HPR: variants seen among roughly 807,000 people sequenced by gnomAD.
The protein encoded by HPR is haptoglobin-related protein.
A neutral mutation model predicts 18.5 loss-of-function variants in HPR; 17 were observed. That is an observed-to-expected ratio of 0.92 (90% confidence interval 0.63 to 1.38). The LOEUF (loss-of-function observed/expected upper bound fraction) is 1.38. Among genes scored for constraint, HPR ranks in the 40% most tolerant of loss-of-function variants. The pLI is 0.00. For synonymous variants in HPR, 176 were observed against 165.0 expected (o/e 1.07, Z -0.51); for missense variants, 457 against 432.4 (o/e 1.06, Z -0.51).
chr16:72,072,859 G>C (rs564414916), intron 1 of HPR, among the ~76,000 whole-genome samples: 2 of 152,284 alleles, frequency 1.3e-5, no homozygotes, highest in Admixed American at 1.3e-4. Flanking sequence ...TTAACAGGGG[G>C]ATTGTTAAAT....
At chr16:72,075,002 T>C (rs554462205) in intron 3 of HPR, 143 bp from the exon 4 acceptor site, 17 of 1,321,760 alleles carry the variant, frequency 1.3e-5, no homozygotes, top group Non-Finnish European at 1.7e-5. Context: ...CCTTCCTCCT[T>C]CTCGTATTCT....
rs534637667 is a variant in HPR at position 72,073,697 on chromosome 16, G to C, written c.6-195G>C. 79 of 1,486,996 alleles carry C rather than the reference G, an allele frequency of 5.3e-5. No individual in the cohort carries two copies. In the African/African-American group the frequency reaches 1.0e-3, roughly 19 times the overall value. The allele number at this position is 1,486,996 out of a possible 1,614,324, so 92.1% of individuals were successfully genotyped here. ...CTAAAGCGTGTATGTGGGGCGGAGGGTGGGGGCAACTTCTTGGTCCTAGCA... is the reference window on the plus strand; with the variant it reads ...CTAAAGCGTGTATGTGGGGCGGAGGCTGGGGGCAACTTCTTGGTCCTAGCA... On this transcript the variant is annotated intron_variant, in intron 1 of 4. Coordinates refer to ENST00000540303, the MANE Select transcript of HPR (RefSeq NM_020995.4).
intron 1 of HPR, among the ~76,000 whole-genome samples, chr16:72,068,674 T>C (rs1206333992): frequency 6.6e-6 from 1 of 152,132 alleles, no homozygotes; most frequent in African/African-American, 2.4e-5. Context: ...GTCAAAAATT[T>C]TGGACCTGGT....
chr16:72,075,297 T>C (rs928912062), intron 4 of HPR, 78 bp downstream of exon 4: 1 of 722,492 alleles, frequency 1.4e-6, no homozygotes, highest in Non-Finnish European at 2.3e-6. Flanking sequence ...AGCCTTCCAG[T>C]GCGGCTTCCT....
At chr16:72,063,884 A>C (rs1270069988) in intron 1 of HPR, among the ~76,000 whole-genome samples, 2 of 152,222 alleles carry the variant, frequency 1.3e-5, no homozygotes, top group Admixed American at 1.3e-4. Context: ...CTAGGACTAC[A>C]GGCGTGTGCC....
Position 72,074,304 on chromosome 16 carries a change from C to A in HPR, c.112C>A (p.Pro38Thr). 1 of 1,614,004 alleles carries A rather than the reference C, an allele frequency of 6.2e-7. No individual in the cohort carries two copies. Among genetic ancestry groups the A allele is most frequent in the Non-Finnish European group, 8.5e-7 (1 of 1,179,968 alleles). The change falls in exon 3 of 5, where the codon CCT (proline) becomes ACT (threonine). Residue 38 changes from proline to threonine, a missense_variant. Pro to Thr is a conservative substitution (Grantham distance 38). Transcript: ENST00000540303. ...TGCAGATGACCGCTTCCCGAAGCCC[C>A]CTGAGATTGCAAATGGCTATGTGGA... Reference protein sequence around the residue: ...DISDDRFPKPPEIANGYVEHL... With the variant: ...DISDDRFPKPTEIANGYVEHL...
intron 2 of HPR, 79 bp from the exon 3 acceptor site, chr16:72,074,205 C>G (rs2041691137): frequency 1.5e-6 from 2 of 1,343,924 alleles, no homozygotes; most frequent in Non-Finnish European, 2.1e-6. Flanking sequence ...TGCAGAGCAG[C>G]TTCCACTCAT....
chr16:72,075,830 TTTC>T (rs1200134268), intron 4 of HPR, among the ~76,000 whole-genome samples: 5 of 150,166 alleles, frequency 3.3e-5, no homozygotes, highest in Admixed American at 2.0e-4. Flanking sequence ...TTTTTCTTTC[TTTC>T]TTTTTTTTTT....
At chr16:72,070,235 C>T (rs1229616199) in intron 1 of HPR, among the ~76,000 whole-genome samples, 2 of 152,190 alleles carry the variant, frequency 1.3e-5, no homozygotes, top group South Asian at 4.1e-4. Context: ...ATGGATTGCC[C>T]TATTTATACT....
chr16:72,074,628 T>A, intron 3 of HPR: 1 of 714,600 alleles, frequency 1.4e-6, no homozygotes, highest in South Asian at 1.5e-5. Context: ...CTCATGTAAA[T>A]CTCAGAGTCA....
intron 1 of HPR, among the ~76,000 whole-genome samples, chr16:72,069,184 C>CCTTT (rs1220039157): frequency 6.6e-5 from 10 of 152,246 alleles, no homozygotes; most frequent in African/African-American, 2.4e-4. Context: ...TCTAAGTATG[C>CCTTT]CTTTGGAGTG....
chr16:72,072,445 G>A (rs199517039), intron 1 of HPR, among the ~76,000 whole-genome samples: 12 of 152,262 alleles, frequency 7.9e-5, no homozygotes, highest in Middle Eastern at 3.4e-3. Context: ...TGTCATTATC[G>A]GAACCCGATG....
At position 72,076,851 on chromosome 16, in the gene HPR, C is replaced by T. The variant is rs765819641; in HGVS notation, c.817C>T (p.Gln273Ter). 4.0e-5 allele frequency: 64 copies of T among 1,614,232 alleles called. No individual in the cohort carries two copies. The South Asian group carries it at 6.8e-4, about 17-fold the overall frequency. The change falls in exon 5 of 5, where the codon CAG (glutamine) becomes TAG (stop). Residue 273 changes from glutamine (Q) to a stop codon, truncating the protein, a stop_gained. Transcript: ENST00000540303. LOFTEE classifies it high-confidence loss of function. ...GGCACCGAAGAGCCCTGTAGGGGTGCAGCCCATACTGAACGAACACACCTT... is the reference window on the plus strand; with the variant it reads ...GGCACCGAAGAGCCCTGTAGGGGTGTAGCCCATACTGAACGAACACACCTT... ...WKAPKSPVGV[Q>*]PILNEHTFCV...
At chr16:72,069,800 T>G (rs2041636417) in intron 1 of HPR, among the ~76,000 whole-genome samples, 1 of 152,210 alleles carries the variant, frequency 6.6e-6, no homozygotes, top group Non-Finnish European at 1.5e-5. Flanking sequence ...CAATTAATTA[T>G]ACTGAAATGC....
rs899253760 is a variant in HPR, at chr16:72,076,608, A to G, written c.574A>G (p.Ile192Val). Residue 192 changes from isoleucine (I) to valine (V), a missense_variant, in exon 5 of 5, where the codon ATC (isoleucine) becomes GTC (valine). Coordinates refer to ENST00000540303, the MANE Select transcript of HPR (RefSeq NM_020995.4). ...PNYHQVDIGL[I>V]KLKQKVLVNE... The stretch of plus-strand genomic sequence containing the variant: ...CTACCACCAGGTAGATATTGGGCTC[A>G]TCAAACTCAAACAGAAGGTGCTTGT... 1.2e-6 allele frequency: 2 copies of G among 1,614,002 alleles called. No homozygotes were observed. The highest frequency in any genetic ancestry group is 1.7e-6 in the Non-Finnish European group (2 of 1,179,940).
At chr16:72,063,581 C>T (rs2041565381) in intron 1 of HPR, among the ~76,000 whole-genome samples, 1 of 152,006 alleles carries the variant, frequency 6.6e-6, no homozygotes, top group South Asian at 2.1e-4. Context: ...AGATATTTTC[C>T]TCTTTAAAAA....
rs529242302 is a variant in HPR at position 72,073,818 on chromosome 16, G to A, written c.6-74G>A. On this transcript the variant is annotated intron_variant, in intron 1 of 4. Coordinates refer to ENST00000540303, the MANE Select transcript of HPR (RefSeq NM_020995.4). ...CGTGTGTGTGTGTGTGTACATGCCT[G>A]TGTGTGTGGATGCATGCATGTGCTG... The A allele has an allele frequency of 2.4e-5, 38 of 1,608,510 alleles. No homozygotes were observed. The South Asian group carries it at 3.6e-4, about 15-fold the overall frequency.
At chr16:72,065,935 C>T (rs9924249) in intron 1 of HPR, among the ~76,000 whole-genome samples, 4,108 of 150,260 alleles carry the variant, frequency 0.027, no homozygotes, top group African/African-American at 0.099. Flanking sequence ...GCTGCTGCCC[C>T]AGATCCCATC....
rs537086246 is a variant in HPR, at chr16:72,077,168, C to T, written c.*87C>T. 6.3e-5 allele frequency: 87 copies of T among 1,378,744 alleles called. 2 individuals are homozygous for T. Among genetic ancestry groups the T allele is most frequent in the African/African-American group, 4.7e-4 (32 of 68,052 alleles). 85.4% of individuals were successfully genotyped at this position (1,378,744 alleles called of 1,614,324 possible). ...GGACGGGAGTGGACAGGAGTGGATG[C>T]GATAAGATGTGGTTTGAAGCTGATG... On this transcript the variant is annotated 3_prime_UTR_variant, in exon 5 of 5. Transcript: ENST00000540303.
Sources: allele counts gnomAD v4.1 joint callset (sites outside exome capture counted in the v4.1 genomes callset), GRCh38; gene constraint gnomAD v4.1.1; transcripts MANE v1.5; gene names NCBI Gene and HGNC (gene_info 2026-07-23, HGNC 2026-07-21).